Variants in RBFOX1 observed in about 807,000 individuals in gnomAD.
RBFOX1 encodes RNA binding protein fox-1 homolog 1.
Under a neutral mutation model 57.7 loss-of-function variants are expected in RBFOX1, and 8 were observed. That is an observed-to-expected ratio of 0.14 (90% CI 0.08 to 0.25). RBFOX1 has a LOEUF of 0.25. Ranked by LOEUF, RBFOX1 falls within the 10% of genes least tolerant of loss-of-function variation. RBFOX1 has a pLI of 1.00. For missense variants in RBFOX1, 611 were observed against 548.5 expected, an observed-to-expected ratio of 1.11 and a Z score of -1.14; for synonymous variants, 326 against 222.4, an observed-to-expected ratio of 1.47 and a Z score of -4.15.
chr16:6,156,115 T>C (rs1276848529), intron 1 of RBFOX1, among the ~76,000 whole-genome samples: 1 of 152,182 alleles, frequency 6.6e-6, no homozygotes, highest in East Asian at 1.9e-4. Context: ...AGGATTCATG[T>C]TCATTTCTTT....
chr16:7,331,682 A>G lies in RBFOX1; in HGVS notation c.28-186465A>G, dbSNP rs113621415. ...AACACAGCCTTTTGAAGTAGGGACT[A>G]TTATTATCTCAGTTTTCCAAATGAG... On this transcript the variant is annotated intron_variant, in intron 4 of 15. Transcript: ENST00000550418. Among the ~76,000 whole-genome samples, 597 of 152,252 alleles carry G rather than the reference A, an allele frequency of 3.9e-3. 6 individuals carry two copies. Among genetic ancestry groups the G allele is most frequent in the African/African-American group, 0.014 (568 of 41,558 alleles).
intron 1 of RBFOX1, among the ~76,000 whole-genome samples, chr16:6,265,692 C>A (rs546866709): frequency 2.6e-5 from 4 of 152,254 alleles, no homozygotes; most frequent in African/African-American, 9.6e-5. Context: ...TTTGGTGCAC[C>A]CAGCGTGGGA....
At chr16:5,634,593 C>G (rs921491797) in intron 3 of RBFOX1, among the ~76,000 whole-genome samples, 1 of 152,040 alleles carries the variant, frequency 6.6e-6, no homozygotes, top group African/African-American at 2.4e-5. Context: ...GTTTCAGTGA[C>G]AGAAACTATT....
At chr16:7,517,590 A>G (rs2076649923) in intron 4 of RBFOX1, among the ~76,000 whole-genome samples, 1 of 151,932 alleles carries the variant, frequency 6.6e-6, no homozygotes, top group African/African-American at 2.4e-5. Context: ...ACACACAACC[A>G]CACAGACACT....
At chr16:7,267,725 G>A (rs1313980710) in intron 4 of RBFOX1, among the ~76,000 whole-genome samples, 1 of 151,918 alleles carries the variant, frequency 6.6e-6, no homozygotes, top group Non-Finnish European at 1.5e-5. Flanking sequence ...TTGTGATAGT[G>A]CGTGCCTGTA....
In RBFOX1 at chr16:7,429,770, C is replaced by T. The variant is rs143317329; in HGVS notation, c.28-88377C>T. ...TAGAGTATCACTCAGATATTTCTTT[C>T]TGTGCTTCCATAGACCCTATTATTT... On this transcript the variant is annotated intron_variant, in intron 4 of 15. Transcript: ENST00000550418. Among the ~76,000 whole-genome samples the T allele has an allele frequency of 7.3e-3, 1,109 of 152,306 alleles. 9 individuals carry two copies. The highest frequency in any genetic ancestry group is 0.012 in the Non-Finnish European group (822 of 68,026).
intron 3 of RBFOX1, among the ~76,000 whole-genome samples, chr16:5,650,801 C>T (rs967458638): frequency 3.9e-5 from 6 of 152,068 alleles, no homozygotes; most frequent in African/African-American, 1.4e-4. Context: ...AACAGACGGA[C>T]ACAGTCTTTG....
chr16:7,488,850 T>G (rs552121316), intron 4 of RBFOX1, among the ~76,000 whole-genome samples: 1 of 152,332 alleles, frequency 6.6e-6, no homozygotes, highest in African/African-American at 2.4e-5. Flanking sequence ...ATCCATTATC[T>G]ATCTATACAT....
intron 4 of RBFOX1, among the ~76,000 whole-genome samples, chr16:7,495,797 G>A (rs754276920): frequency 2.6e-5 from 4 of 152,076 alleles, no homozygotes; most frequent in African/African-American, 7.2e-5. Context: ...TCAGAAATCC[G>A]CACTAGAGAA....
chr16:5,433,771 C>T (rs925341735), intron 1 of RBFOX1, among the ~76,000 whole-genome samples: 2 of 152,160 alleles, frequency 1.3e-5, no homozygotes, highest in Non-Finnish European at 2.9e-5. Flanking sequence ...CGTAAGGTGT[C>T]AGGCCCTTCT....
chr16:6,562,270 T>A (rs1293130258), intron 2 of RBFOX1, among the ~76,000 whole-genome samples: 3 of 152,254 alleles, frequency 2.0e-5, no homozygotes, highest in African/African-American at 7.2e-5. Flanking sequence ...TCTGTACAAT[T>A]AGAGATTGCC....
At chr16:6,381,916 A>G (rs1273297016) in intron 2 of RBFOX1, among the ~76,000 whole-genome samples, 2 of 152,222 alleles carry the variant, frequency 1.3e-5, no homozygotes, top group Non-Finnish European at 2.9e-5. Context: ...CCACGAGGGC[A>G]GAGACCATGT....
At position 7,415,678 on chromosome 16, in the gene RBFOX1, A is replaced by G. The variant is rs192359550; in HGVS notation, c.28-102469A>G. 6.1e-4 allele frequency among the ~76,000 whole-genome samples: 93 copies of G among 152,284 alleles called. 1 individual carries two copies. Among genetic ancestry groups the G allele is most frequent in the Middle Eastern group, 3.4e-3 (1 of 294 alleles). On this transcript the variant is annotated intron_variant, in intron 4 of 15. Transcript: ENST00000550418. ...CTCTTAAAAGTGCCACCCTCTACCA[A>G]GAAGCACTAGTTGAATTCCAAGAAG...
At position 7,300,595 on chromosome 16, in the gene RBFOX1, A is replaced by G. The variant is rs118048795; in HGVS notation, c.28-217552A>G. ...ACTGGAGTCTTGCTTGCTCTGAGGT[A>G]TGGCAACTCTTATAGAAAGTATTTT... On this transcript the variant is annotated intron_variant, in intron 4 of 15. Transcript: ENST00000550418. Among the ~76,000 whole-genome samples the G allele has an allele frequency of 8.1e-3, 1,139 of 140,306 alleles. 4 individuals are homozygous for G. Among genetic ancestry groups the G allele is most frequent in the Non-Finnish European group, 0.011 (703 of 65,246 alleles). The allele number at this position is 140,306 out of a possible 152,430, so 92.0% of individuals were successfully genotyped here.
chr16:6,270,481 A>G (rs2075077084), intron 1 of RBFOX1, among the ~76,000 whole-genome samples: 1 of 151,536 alleles, frequency 6.6e-6, no homozygotes, highest in Non-Finnish European at 1.5e-5. Flanking sequence ...AAAAACAACT[A>G]GAAATAGAGA....
At chr16:7,536,087 G>T (rs534218354) in intron 5 of RBFOX1, among the ~76,000 whole-genome samples, 119 of 152,262 alleles carry the variant, frequency 7.8e-4, no homozygotes, top group African/African-American at 2.8e-3. Flanking sequence ...CACCAGGTTC[G>T]ACATCCCATG....
chr16:7,709,217 C>G, intron 15 of RBFOX1, 86 bp downstream of exon 15: 2 of 1,271,462 alleles, frequency 1.6e-6, no homozygotes, highest in Non-Finnish European at 2.2e-6. Flanking sequence ...TTGACGTCCT[C>G]TCACTTCCCG....
intron 4 of RBFOX1, among the ~76,000 whole-genome samples, chr16:7,159,028 C>T (rs192730179): frequency 2.0e-5 from 3 of 151,900 alleles, no homozygotes; most frequent in Admixed American, 6.6e-5. Flanking sequence ...ACCCCTACCC[C>T]CGTCCCTACC....
chr16:5,465,815 G>T (rs749920907), intron 1 of RBFOX1, among the ~76,000 whole-genome samples: 1 of 152,240 alleles, frequency 6.6e-6, no homozygotes, highest in Non-Finnish European at 1.5e-5. Context: ...CTCAGCAAGT[G>T]GAGTCCCGTG....
Sources: allele counts gnomAD v4.1 joint callset (sites outside exome capture counted in the v4.1 genomes callset), GRCh38; gene constraint gnomAD v4.1.1; transcripts MANE v1.5; gene names NCBI Gene and HGNC (gene_info 2026-07-23, HGNC 2026-07-21).